The following LRFN5 variants were observed in gnomAD, a reference collection of about 807,000 sequenced individuals.
The protein encoded by LRFN5 is leucine-rich repeat and fibronectin type-III domain-containing protein 5.
LRFN5 carries 24 observed loss-of-function variants against 45.6 expected under a neutral mutation model. The observed-to-expected ratio is 0.53, with a 90% CI of 0.38 to 0.74. The LOEUF (loss-of-function observed/expected upper bound fraction) is 0.74. LRFN5 is among the 30% of genes least tolerant of loss of function. LRFN5 has a pLI of 0.00. For missense variants in LRFN5, 776 were observed against 861.5 expected (o/e 0.90, Z 1.24); for synonymous variants, 340 against 313.8 (o/e 1.08, Z -0.88).
At chr14:41,625,640 T>C (rs1888304273) in intron 1 of LRFN5, among the ~76,000 whole-genome samples, 1 of 152,200 alleles carries the variant, frequency 6.6e-6, no homozygotes, top group African/African-American at 2.4e-5. Context: ...AGTTTATTGC[T>C]GTGTGTCCAT....
intron 1 of LRFN5, among the ~76,000 whole-genome samples, chr14:41,651,300 A>T (rs1008087794): frequency 2.0e-5 from 3 of 152,258 alleles, no homozygotes; most frequent in Non-Finnish European, 4.4e-5. Context: ...GCTAACCTGA[A>T]ATGGTAGTTC....
In LRFN5 at chr14:41,607,372, A is replaced by G. The variant is rs572255012; in HGVS notation, c.-1387A>G. On this transcript the variant is annotated 5_prime_UTR_variant, in exon 1 of 6. Coordinates refer to ENST00000298119, the MANE Select transcript of LRFN5 (RefSeq NM_152447.5). ...AACCTAGACAGACACACACACACTC[A>G]GAGGAGAGAGGAAGAATTGAAAGAC... Among the ~76,000 whole-genome samples, 223 of 152,146 alleles carry G rather than the reference A, an allele frequency of 1.5e-3. 1 individual carries two copies. Among genetic ancestry groups the G allele is most frequent in the Non-Finnish European group, 2.6e-3 (175 of 68,022 alleles).
chr14:41,690,636 T>A (rs975963073), intron 1 of LRFN5, among the ~76,000 whole-genome samples: 2 of 152,136 alleles, frequency 1.3e-5, no homozygotes, highest in Non-Finnish European at 2.9e-5. Flanking sequence ...AGAAGGGAAT[T>A]TGCTTAACTT....
chr14:41,736,599 C>T (rs12437090), intron 1 of LRFN5, among the ~76,000 whole-genome samples: 25,234 of 151,702 alleles, frequency 0.17, 2,201 homozygotes, highest in Admixed American at 0.2. Context: ...CTTTATAGAC[C>T]GCTAGCCAGA....
At chr14:41,838,899 T>G (rs914675058) in intron 2 of LRFN5, among the ~76,000 whole-genome samples, 2 of 152,184 alleles carry the variant, frequency 1.3e-5, no homozygotes, top group Admixed American at 1.3e-4. Flanking sequence ...TTATTTATTT[T>G]AAGGAGAGTT....
intron 1 of LRFN5, among the ~76,000 whole-genome samples, chr14:41,714,182 G>A (rs1057417367): frequency 8.5e-5 from 13 of 152,096 alleles, no homozygotes; most frequent in Admixed American, 1.3e-4. Context: ...TACTTTAAGT[G>A]GATGGGATAT....
chr14:41,668,719 T>C lies in LRFN5; in HGVS notation c.-197+60157T>C, dbSNP rs76785590. On this transcript the variant is annotated intron_variant, in intron 1 of 5. Transcript: ENST00000298119. ...TGTAATTCCCCATCTGTATTAGAATTAGTAAGTCTCAGATTTGAAATAAGT... is the reference window on the plus strand; with the variant it reads ...TGTAATTCCCCATCTGTATTAGAATCAGTAAGTCTCAGATTTGAAATAAGT... Among the ~76,000 whole-genome samples, 1,305 of 152,284 alleles carry C rather than the reference T, an allele frequency of 8.6e-3. 26 individuals are homozygous for C. The highest frequency in any genetic ancestry group is 0.03 in the African/African-American group (1,261 of 41,560).
At chr14:41,718,689 C>G (rs1171449796) in intron 1 of LRFN5, among the ~76,000 whole-genome samples, 1 of 152,154 alleles carries the variant, frequency 6.6e-6, no homozygotes, top group Non-Finnish European at 1.5e-5. Context: ...TTTATTTAGG[C>G]AATTGGCCAA....
At chr14:41,891,105 A>G (rs1343121394) in intron 3 of LRFN5, 145 bp from the exon 4 acceptor site, 6 of 697,722 alleles carry the variant, frequency 8.6e-6, no homozygotes, top group Admixed American at 2.9e-5. Context: ...CTCAGTAAAT[A>G]TGAGATTAGA....
intron 1 of LRFN5, among the ~76,000 whole-genome samples, chr14:41,746,594 C>A (rs1401025068): frequency 6.6e-6 from 1 of 151,900 alleles, no homozygotes; most frequent in East Asian, 1.9e-4. Flanking sequence ...TTTTCCTATA[C>A]CTCTTTGCCA....
intron 1 of LRFN5, among the ~76,000 whole-genome samples, chr14:41,675,878 G>A (rs1230247978): frequency 6.6e-6 from 1 of 152,064 alleles, no homozygotes; most frequent in Non-Finnish European, 1.5e-5. Flanking sequence ...TACCTAAAGG[G>A]CATTCAGCAA....
intron 1 of LRFN5, among the ~76,000 whole-genome samples, chr14:41,716,286 T>C (rs144712315): frequency 0.012 from 1,769 of 152,302 alleles, 35 homozygotes; most frequent in African/African-American, 0.039. Flanking sequence ...TTGTTACTTA[T>C]ACAAATTTCT....
chr14:41,739,500 A>T (rs1884596863), intron 1 of LRFN5, among the ~76,000 whole-genome samples: 1 of 152,098 alleles, frequency 6.6e-6, no homozygotes, highest in Non-Finnish European at 1.5e-5. Context: ...ATTAAAAGAA[A>T]AAAAAATCTT....
chr14:41,711,365 G>A (rs1475370504), intron 1 of LRFN5, among the ~76,000 whole-genome samples: 2 of 152,130 alleles, frequency 1.3e-5, no homozygotes, highest in Non-Finnish European at 1.5e-5. Flanking sequence ...AGAGGACAGG[G>A]TACAAAGCCA....
At chr14:41,780,318 C>T (rs1886437076) in intron 2 of LRFN5, among the ~76,000 whole-genome samples, 1 of 151,742 alleles carries the variant, frequency 6.6e-6, no homozygotes, top group African/African-American at 2.4e-5. Flanking sequence ...ATATAATTTC[C>T]TTTGCATTTC....
chr14:41,690,662 T>TA (rs1342465274), intron 1 of LRFN5, among the ~76,000 whole-genome samples: 17 of 152,296 alleles, frequency 1.1e-4, no homozygotes, highest in African/African-American at 3.6e-4. Context: ...AGGACATCTA[T>TA]GAAAAACCCA....
chr14:41,823,246 T>C (rs1181697363), intron 2 of LRFN5, among the ~76,000 whole-genome samples: 2 of 151,750 alleles, frequency 1.3e-5, no homozygotes, highest in Non-Finnish European at 2.9e-5. Flanking sequence ...TTTTCTACTT[T>C]CATTTTTTTT....
At chr14:41,630,704 C>A (rs1202222584) in intron 1 of LRFN5, among the ~76,000 whole-genome samples, 1 of 152,124 alleles carries the variant, frequency 6.6e-6, no homozygotes, top group Non-Finnish European at 1.5e-5. Flanking sequence ...TCATTTAACA[C>A]ATAACTGCTT....
At chr14:41,724,658 T>G (rs146531987) in intron 1 of LRFN5, among the ~76,000 whole-genome samples, 1,741 of 152,070 alleles carry the variant, frequency 0.011, 16 homozygotes, top group Middle Eastern at 0.034. Flanking sequence ...ATAATAAGTA[T>G]AAATATTTTC....
Sources: allele counts gnomAD v4.1 joint callset (sites outside exome capture counted in the v4.1 genomes callset), GRCh38; gene constraint gnomAD v4.1.1; transcripts MANE v1.5; gene names NCBI Gene and HGNC (gene_info 2026-07-23, HGNC 2026-07-21).